Variants in CLK1 observed in about 807,000 individuals in gnomAD.
CLK1 encodes the protein CDC like kinase 1, also known as dual specificity protein kinase CLK1.
A neutral mutation model predicts 60.9 loss-of-function variants in CLK1; 40 were observed. The observed-to-expected ratio is 0.66, with a 90% CI of 0.51 to 0.86. The LOEUF is 0.86. Among genes scored for constraint, CLK1 ranks in the 40% least tolerant of loss-of-function variants. The pLI, the probability that CLK1 is intolerant of heterozygous loss-of-function variation, is 0.00. For missense variants in CLK1, 563 were observed against 606.1 expected (o/e 0.93, Z 0.75); for synonymous variants, 203 against 184.4 (o/e 1.10, Z -0.82).
At chr2:200,855,625 C>CG (rs890212166) in intron 9 of CLK1, among the ~76,000 whole-genome samples, 18 of 148,280 alleles carry the variant, frequency 1.2e-4, no homozygotes, top group South Asian at 2.2e-4. Context: ...ACTCCGCCCC[C>CG]CCCCCAAAAA....
Position 200,856,739 on chromosome 2 carries a change from C to T in CLK1, c.1000G>A (p.Glu334Lys), listed in dbSNP as rs781203921. The change falls in exon 9 of 13, where the codon GAA (glutamate) becomes AAA (lysine). Residue 334 changes from glutamate to lysine, a missense_variant. Coordinates refer to ENST00000321356, the MANE Select transcript of CLK1 (RefSeq NM_004071.4). ...GTAGATACCAATGTACTGTGATGTTCGTCATCATATGTTGCACTACCAAAG... is the reference window on the plus strand; with the variant it reads ...GTAGATACCAATGTACTGTGATGTTTGTCATCATATGTTGCACTACCAAAG... ...VDFGSATYDD[E>K]HHSTLVSTRH... 1.4e-5 allele frequency: 22 copies of T among 1,612,784 alleles called. No individual in the cohort carries two copies. Among genetic ancestry groups the T allele is most frequent in the East Asian group, 4.5e-5 (2 of 44,864 alleles).
chr2:200,864,022 C>G (rs2039186636), intron 1 of CLK1: 2 of 1,445,850 alleles, frequency 1.4e-6, no homozygotes, highest in Admixed American at 5.0e-5. Context: ...GACAAAGCCA[C>G]TCGCGATGTT....
chr2:200,855,773 C>G (rs1249119893), intron 9 of CLK1, among the ~76,000 whole-genome samples: 1 of 152,050 alleles, frequency 6.6e-6, no homozygotes, highest in African/African-American at 2.4e-5. Context: ...CTTTGCAAAG[C>G]CAAGGCAGGC....
rs1488475250 is a variant in CLK1, at chr2:200,860,219, G to GA, written c.391-5dup. Reference sequence around the variant, plus strand: ...TTCTTTTCCTTCGGTGACTCTTCTGGAAACGTCAAGTGGGCGGCACCAAGA... The same window carrying GA: ...TTCTTTTCCTTCGGTGACTCTTCTGGAAAACGTCAAGTGGGCGGCACCAAGA... On this transcript the variant is annotated splice_region_variant and splice_polypyrimidine_tract_variant and intron_variant, in intron 3 of 12. Transcript: ENST00000321356. 5 of 1,613,616 alleles carry GA rather than the reference G, an allele frequency of 3.1e-6. No homozygotes were observed. The highest frequency in any genetic ancestry group is 4.2e-6 in the Non-Finnish European group (5 of 1,179,930).
In CLK1 at chr2:200,853,381, A is replaced by AT; in HGVS notation, c.1379dup (p.Tyr460Ter). 1 of 1,613,468 alleles carries AT rather than the reference A, an allele frequency of 6.2e-7. No homozygotes were observed. The highest frequency in any genetic ancestry group is 8.5e-7 in the Non-Finnish European group (1 of 1,179,620). Residue 460 changes from tyrosine to a stop codon, truncating the protein, a stop_gained and frameshift_variant, in exon 13 of 13, where the codon TAT (tyrosine) becomes TAAT (stop). Transcript: ENST00000321356. LOFTEE classifies it high-confidence loss of function. ...LFDLIQKMLEYDPAKRITLRE... is the reference protein window; with the variant it reads ...LFDLIQKMLE ...TGAGAGTAATTCTTTTGGCTGGATC[A>AT]TACTCCAACATTTTCTGAATGAGGT... is the stretch of plus-strand genomic sequence containing the variant.
intron 9 of CLK1, 92 bp from the exon 10 acceptor site, chr2:200,855,178 A>C (rs2039018361): frequency 2.1e-6 from 2 of 942,126 alleles, no homozygotes; most frequent in African/African-American, 1.7e-5. Context: ...TTAAAAAAAA[A>C]AACACATGTA....
chr2:200,856,002 C>A (rs993023385), intron 9 of CLK1, among the ~76,000 whole-genome samples: 2 of 150,920 alleles, frequency 1.3e-5, no homozygotes, highest in African/African-American at 4.9e-5. Flanking sequence ...GAGTAAGTCT[C>A]CGTCTAAAAA....
At position 200,859,706 on chromosome 2, in the gene CLK1, T is replaced by C. The variant is rs2039103683; in HGVS notation, c.522A>G (p.Lys174=). Residue 174 remains lysine (K), a synonymous_variant, in exon 5 of 13, where the codon AAA becomes AAG. Transcript: ENST00000321356. ...VDTLGEGAFG[K]VVECIDHKAG... is the part of the protein sequence containing the mutation. ...CTTTATGATCGATGCACTCCACAACTTTTCCAAAAGCTCCTTCACCTAAAG... is the reference window on the plus strand; with the variant it reads ...CTTTATGATCGATGCACTCCACAACCTTTCCAAAAGCTCCTTCACCTAAAG... 3 of 1,613,544 alleles carry C rather than the reference T, an allele frequency of 1.9e-6. No homozygotes were observed. In the East Asian group the frequency reaches 6.7e-5, roughly 36 times the overall value.
intron 1 of CLK1, chr2:200,864,279 C>A: frequency 6.7e-7 from 1 of 1,489,882 alleles, no homozygotes; most frequent in South Asian, 1.3e-5. Flanking sequence ...GACCGTCCCG[C>A]GTCAGGCGGC....
Position 200,856,978 on chromosome 2 carries a change from G to A in CLK1, c.840C>T (p.His280=). The change falls in exon 8 of 13, where the codon CAC becomes CAT. Residue 280 remains histidine, a synonymous_variant. Transcript: ENST00000321356. ...AGTCTGTGTGAGTCAACTTATTACT[G>A]TGCAAAACTGAGAATAAAGAGAAAG... The part of the protein sequence containing the change: ...YQICKSVNFL[H]SNKLTHTDLK... 1.2e-6 allele frequency: 2 copies of A among 1,612,956 alleles called. No individual in the cohort carries two copies. The highest frequency in any genetic ancestry group is 1.7e-6 in the Non-Finnish European group (2 of 1,179,242).
At position 200,853,930 on chromosome 2, in the gene CLK1, A is replaced by T. The variant is rs781116356; in HGVS notation, c.1284T>A (p.Tyr428Ter). ...DWDEHSSAGR[Y>*]VSRRCKPLKE... Reference sequence around the variant, plus strand: ...TCAGAGGTTTACAGCGTCTTGAAACATATCTGCCGGCAGAACTGTGTTCAT... The same window carrying T: ...TCAGAGGTTTACAGCGTCTTGAAACTTATCTGCCGGCAGAACTGTGTTCAT... The change falls in exon 12 of 13, where the codon TAT becomes TAA. Residue 428 changes from tyrosine (Y) to a stop codon, truncating the protein, a stop_gained. Transcript: ENST00000321356. LOFTEE classifies it high-confidence loss of function. 21 of 1,612,720 alleles carry T rather than the reference A, an allele frequency of 1.3e-5. 1 individual carries two copies. The highest frequency in any genetic ancestry group is 1.7e-5 in the Non-Finnish European group (20 of 1,179,334).
chr2:200,853,893 A>C lies in CLK1; in HGVS notation c.1311+10T>G, dbSNP rs1190546363. ...GTTTTGACTATTTGAGCAATGTCTC[A>C]AAGGCTTACCTTCAGAGGTTTACAG... is the stretch of plus-strand genomic sequence containing the variant. On this transcript the variant is annotated intron_variant, in intron 12 of 12. Transcript: ENST00000321356. The C allele has an allele frequency of 6.3e-7, 1 of 1,597,470 alleles. No homozygotes were observed. The highest frequency in any genetic ancestry group is 1.7e-5 in the Admixed American group (1 of 57,448).
intron 5 of CLK1, 39 bp downstream of exon 5, chr2:200,859,641 C>G: frequency 6.4e-7 from 1 of 1,560,614 alleles, no homozygotes; most frequent in Non-Finnish European, 8.8e-7. Context: ...ACCTGTATTG[C>G]CAACTTCCCT....
chr2:200,860,959 T>A, intron 3 of CLK1: 2 of 1,192,012 alleles, frequency 1.7e-6, no homozygotes, highest in Non-Finnish European at 2.1e-6. Flanking sequence ...TTTTAGAATA[T>A]TTTGTAATAA....
Position 200,860,206 on chromosome 2 carries a change from G to C in CLK1, c.400C>G (p.Arg134Gly), listed in dbSNP as rs1559328207. ...SHRRSHGKSH[R>G]RKRTRSVEDD... ...TCTACACTCCTGGTTCTTTTCCTTCGGTGACTCTTCTGGAAACGTCAAGTG... is the reference window on the plus strand; with the variant it reads ...TCTACACTCCTGGTTCTTTTCCTTCCGTGACTCTTCTGGAAACGTCAAGTG... The change falls in exon 4 of 13, where the codon CGA becomes GGA. Residue 134 changes from arginine to glycine, a missense_variant. Arg to Gly is a moderately radical substitution (Grantham distance 125). Coordinates refer to ENST00000321356, the MANE Select transcript of CLK1 (RefSeq NM_004071.4). 1 of 1,613,728 alleles carries C rather than the reference G, an allele frequency of 6.2e-7. No homozygotes were observed. The highest frequency in any genetic ancestry group is 8.5e-7 in the Non-Finnish European group (1 of 1,179,886).
intron 10 of CLK1, 63 bp from the exon 11 acceptor site, chr2:200,854,758 G>T: frequency 1.6e-6 from 2 of 1,215,982 alleles, no homozygotes; most frequent in Non-Finnish European, 2.4e-6. Flanking sequence ...AGTTAAAGCT[G>T]ACAGCAAAAA....
In CLK1 at chr2:200,853,315, T is replaced by C. The variant is rs778194853; in HGVS notation, c.1446A>G (p.Lys482=). 3 of 1,610,476 alleles carry C rather than the reference T, an allele frequency of 1.9e-6. No homozygotes were observed. The highest frequency in any genetic ancestry group is 3.4e-5 in the Admixed American group (2 of 59,362). Residue 482 remains lysine (K), a synonymous_variant, in exon 13 of 13, where the codon AAA becomes AAG. Coordinates refer to ENST00000321356, the MANE Select transcript of CLK1 (RefSeq NM_004071.4). ...LKHPFFDLLK[K]SI is the part of the protein sequence containing the mutation. ...CTGTCCAATTACAGATCTATATACT[T>C]TTCTTCAGAAGGTCAAAGAAAGGAT... is the stretch of plus-strand genomic sequence containing the variant.
At chr2:200,854,964 C>A in intron 10 of CLK1, 40 bp downstream of exon 10, 2 of 1,513,624 alleles carry the variant, frequency 1.3e-6, no homozygotes, top group South Asian at 1.2e-5. Flanking sequence ...AGGCACCTTT[C>A]TTGTGCAAAG....
chr2:200,863,545 C>A (rs1015514728), intron 1 of CLK1, among the ~76,000 whole-genome samples: 3 of 151,598 alleles, frequency 2.0e-5, no homozygotes, highest in African/African-American at 7.3e-5. Flanking sequence ...GCGACAGGGG[C>A]GAGACCTTGT....
Sources: allele counts gnomAD v4.1 joint callset (sites outside exome capture counted in the v4.1 genomes callset), GRCh38; gene constraint gnomAD v4.1.1; transcripts MANE v1.5; gene names NCBI Gene and HGNC (gene_info 2026-07-23, HGNC 2026-07-21).